Variants in NR2F1-AS1 observed in about 807,000 individuals in gnomAD.
NR2F1-AS1 encodes the protein NR2F1 antisense RNA 1.
intron 4 of NR2F1-AS1, among the ~76,000 whole-genome samples, chr5:93,552,817 T>C (rs1453843474): frequency 4.6e-5 from 7 of 152,118 alleles, no homozygotes; most frequent in South Asian, 2.1e-4. Flanking sequence ...TACTTACACA[T>C]ACACACACAT....
At chr5:93,470,380 T>G (rs999106576) in intron 4 of NR2F1-AS1, among the ~76,000 whole-genome samples, 1 of 151,882 alleles carries the variant, frequency 6.6e-6, no homozygotes, top group African/African-American at 2.4e-5. Context: ...TAAAAATAAC[T>G]AAACAAAATC....
intron 4 of NR2F1-AS1, among the ~76,000 whole-genome samples, chr5:93,533,212 G>A (rs1265446460): frequency 6.6e-6 from 1 of 152,110 alleles, no homozygotes; most frequent in Non-Finnish European, 1.5e-5. Context: ...AATTATTAAT[G>A]AGTACAAATG....
At chr5:93,443,765 G>A (rs982285611) in intron 4 of NR2F1-AS1, among the ~76,000 whole-genome samples, 1 of 152,118 alleles carries the variant, frequency 6.6e-6, no homozygotes, top group Non-Finnish European at 1.5e-5. Context: ...CACCAAAGTT[G>A]AAATGAAGGA....
chr5:93,496,202 C>T (rs1750957093), intron 4 of NR2F1-AS1: 1 of 152,158 alleles, frequency 6.6e-6, no homozygotes, highest in Non-Finnish European at 1.5e-5. Context: ...AAAAAACCCA[C>T]ATTTCATCTA....
chr5:93,545,539 C>G (rs1328266231), intron 4 of NR2F1-AS1, among the ~76,000 whole-genome samples: 2 of 152,230 alleles, frequency 1.3e-5, no homozygotes. Flanking sequence ...TCATTTTACT[C>G]TATGCTAAAC....
chr5:93,490,527 T>C (rs1247167835), intron 4 of NR2F1-AS1, among the ~76,000 whole-genome samples: 1 of 150,060 alleles, frequency 6.7e-6, no homozygotes, highest in African/African-American at 2.5e-5. Flanking sequence ...ATGGTCATTG[T>C]GGTTATGGTG....
intron 4 of NR2F1-AS1, chr5:93,432,387 G>C (rs890505964): frequency 2.6e-5 from 4 of 152,084 alleles, no homozygotes; most frequent in African/African-American, 9.7e-5. Context: ...AATACAGAAT[G>C]TTCCAAAGAC....
At chr5:93,507,746 A>G (rs1751217012) in intron 4 of NR2F1-AS1, among the ~76,000 whole-genome samples, 1 of 152,228 alleles carries the variant, frequency 6.6e-6, no homozygotes, top group South Asian at 2.1e-4. Context: ...AAGAGAATCT[A>G]CAAACTGTCA....
chr5:93,532,531 T>C (rs147343837), intron 4 of NR2F1-AS1, among the ~76,000 whole-genome samples: 3 of 152,308 alleles, frequency 2.0e-5, no homozygotes, highest in Admixed American at 1.3e-4. Context: ...AGCCAAAGGC[T>C]TCACAAAAGA....
chr5:93,500,176 G>A (rs981341855), intron 4 of NR2F1-AS1, among the ~76,000 whole-genome samples: 4 of 152,182 alleles, frequency 2.6e-5, no homozygotes, highest in South Asian at 2.1e-4. Flanking sequence ...AACAGCCTTC[G>A]GTTGAAAGAA....
chr5:93,572,714 T>C (rs557532855), intron 1 of NR2F1-AS1, among the ~76,000 whole-genome samples: 20 of 151,768 alleles, frequency 1.3e-4, no homozygotes, highest in African/African-American at 4.8e-4. Flanking sequence ...TGTTTGGGGG[T>C]GGTTGTTGTT....
At chr5:93,507,556 C>A (rs879293994) in intron 4 of NR2F1-AS1, among the ~76,000 whole-genome samples, 1 of 152,074 alleles carries the variant, frequency 6.6e-6, no homozygotes, top group Non-Finnish European at 1.5e-5. Context: ...CGAGGTTTTA[C>A]CATGTTGGCC....
intron 4 of NR2F1-AS1, among the ~76,000 whole-genome samples, chr5:93,535,701 G>A (rs1026885574): frequency 6.6e-6 from 1 of 152,014 alleles, no homozygotes; most frequent in African/African-American, 2.4e-5. Context: ...CAGTAAATGT[G>A]ATATACCACA....
At chr5:93,453,091 T>C (rs559953361) in intron 4 of NR2F1-AS1, among the ~76,000 whole-genome samples, 2 of 152,104 alleles carry the variant, frequency 1.3e-5, no homozygotes, top group East Asian at 1.9e-4. Context: ...AAGAATGCAG[T>C]AGAAAACATG....
chr5:93,460,498 G>T (rs1260753738), intron 4 of NR2F1-AS1, among the ~76,000 whole-genome samples: 1 of 152,146 alleles, frequency 6.6e-6, no homozygotes, highest in Non-Finnish European at 1.5e-5. Context: ...GCAGCAACCT[G>T]TGATGATCAA....
intron 4 of NR2F1-AS1, among the ~76,000 whole-genome samples, chr5:93,528,473 T>C (rs1319446025): frequency 6.6e-6 from 1 of 152,194 alleles, no homozygotes; most frequent in African/African-American, 2.4e-5. Context: ...AGTTCAACCA[T>C]TGTGGAAGAC....
intron 4 of NR2F1-AS1, among the ~76,000 whole-genome samples, chr5:93,550,743 T>C (rs150849764): frequency 1.3e-5 from 2 of 152,304 alleles, no homozygotes; most frequent in Non-Finnish European, 2.9e-5. Context: ...TAAAAGGCAA[T>C]GTAGTTTTCC....
intron 4 of NR2F1-AS1, among the ~76,000 whole-genome samples, chr5:93,453,792 C>A (rs1489597592): frequency 6.6e-6 from 1 of 151,962 alleles, no homozygotes; most frequent in Non-Finnish European, 1.5e-5. Flanking sequence ...AAATACAGAC[C>A]TTTTCCAGAC....
intron 4 of NR2F1-AS1, among the ~76,000 whole-genome samples, chr5:93,526,051 A>C (rs1044889238): frequency 1.3e-5 from 2 of 152,222 alleles, no homozygotes; most frequent in South Asian, 2.1e-4. Context: ...CCTTCAAAAA[A>C]TCAATGAATC....
Sources: allele counts gnomAD v4.1 joint callset (sites outside exome capture counted in the v4.1 genomes callset), GRCh38; gene constraint gnomAD v4.1.1; transcripts MANE v1.5; gene names NCBI Gene and HGNC (gene_info 2026-07-23, HGNC 2026-07-21).